CEP85L: variants seen among roughly 807,000 people sequenced by gnomAD.
The protein encoded by CEP85L is centrosomal protein 85L, also known as centrosomal protein of 85 kDa-like.
In CEP85L, 60 loss-of-function variants were observed where a neutral mutation model predicts 100.3. The ratio of observed to expected loss-of-function variants is 0.60; its 90% CI spans 0.49 to 0.74. CEP85L has a LOEUF of 0.74. CEP85L is among the 30% of genes least tolerant of loss of function. The pLI is 0.00. For synonymous variants in CEP85L, 319 were observed against 322.7 expected, an observed-to-expected ratio of 0.99 and a Z score of 0.12; for missense variants, 973 against 936.2, an observed-to-expected ratio of 1.04 and a Z score of -0.51.
At chr6:118,519,921 T>A (rs1003945249) in intron 4 of CEP85L, among the ~76,000 whole-genome samples, 33 of 152,108 alleles carry the variant, frequency 2.2e-4, no homozygotes, top group African/African-American at 7.5e-4. Flanking sequence ...ATGTAAAAAT[T>A]CTTAACAAAT....
chr6:118,470,174 T>C (rs1772838318), intron 11 of CEP85L, among the ~76,000 whole-genome samples: 1 of 152,066 alleles, frequency 6.6e-6, no homozygotes, highest in African/African-American at 2.4e-5. Flanking sequence ...TCCCCAAAAC[T>C]GCTACCTTCT....
At chr6:118,512,939 GAC>G (rs1776052456) in intron 4 of CEP85L, among the ~76,000 whole-genome samples, 1 of 152,120 alleles carries the variant, frequency 6.6e-6, no homozygotes. Flanking sequence ...AGCTAGAACT[GAC>G]AGAGATGTTA....
At chr6:118,480,114 A>G (rs966625388) in intron 9 of CEP85L, among the ~76,000 whole-genome samples, 193 bp from the exon 10 acceptor site, 9 of 152,134 alleles carry the variant, frequency 5.9e-5, no homozygotes, top group Non-Finnish European at 1.0e-4. Flanking sequence ...GTTCTCAATA[A>G]AAGTTTTCTC....
At chr6:118,589,029 C>CA in intron 2 of CEP85L, 1 of 260,664 alleles carries the variant, frequency 3.8e-6, no homozygotes, top group South Asian at 5.9e-5. Flanking sequence ...TTGACCTCGC[C>CA]AGGGCTGCTT....
chr6:118,513,854 C>A (rs554871786), intron 4 of CEP85L, among the ~76,000 whole-genome samples: 1 of 151,710 alleles, frequency 6.6e-6, no homozygotes, highest in East Asian at 1.9e-4. Flanking sequence ...AACACATGGG[C>A]AAATAAATAC....
rs570409654 is a variant in CEP85L, at chr6:118,502,837, T to C, written c.1257+8461A>G. On this transcript the variant is annotated intron_variant, in intron 5 of 12. Coordinates refer to ENST00000368491, the MANE Select transcript of CEP85L (RefSeq NM_001042475.3). ...ATGGAGTTCAAAAAGCAATGGGGAT[T>C]TCCATTCCTTCCCCTGTCATGGAAA... is the stretch of plus-strand genomic sequence containing the variant. The C allele has an allele frequency of 1.5e-4, 93 of 622,454 alleles. No homozygotes were observed. The African/African-American group carries it at 1.6e-3, about 11-fold the overall frequency. The allele number at this position is 622,454 out of a possible 1,614,324, so 38.6% of individuals were successfully genotyped here.
intron 4 of CEP85L, among the ~76,000 whole-genome samples, chr6:118,520,072 C>T (rs542350864): frequency 2.4e-4 from 36 of 152,196 alleles, no homozygotes; most frequent in African/African-American, 8.7e-4. Flanking sequence ...AAGGCAACTA[C>T]GAAAAACAGC....
At chr6:118,512,583 G>A (rs557658715) in intron 4 of CEP85L, among the ~76,000 whole-genome samples, 5 of 152,134 alleles carry the variant, frequency 3.3e-5, no homozygotes, top group African/African-American at 4.8e-5. Flanking sequence ...AGAAGCCAGA[G>A]ATGCTACTAA....
chr6:118,489,507 T>C (rs533365502), intron 6 of CEP85L, among the ~76,000 whole-genome samples: 19 of 152,246 alleles, frequency 1.2e-4, no homozygotes, highest in African/African-American at 4.6e-4. Flanking sequence ...ACATGCTCAA[T>C]TCCTGCATAG....
chr6:118,688,478 A>G (rs1776915189), intron 1 of CEP85L, among the ~76,000 whole-genome samples: 1 of 152,244 alleles, frequency 6.6e-6, no homozygotes. Context: ...AAAAGCAGAA[A>G]TTGGACCTCT....
chr6:118,643,799 T>C (rs1562333954), intron 1 of CEP85L, among the ~76,000 whole-genome samples: 1 of 152,174 alleles, frequency 6.6e-6, no homozygotes, highest in Non-Finnish European at 1.5e-5. Context: ...GGTTCCCTGA[T>C]TGAGAGAATC....
chr6:118,467,103 G>C (rs992173933), intron 12 of CEP85L, among the ~76,000 whole-genome samples: 1 of 152,140 alleles, frequency 6.6e-6, no homozygotes, highest in Non-Finnish European at 1.5e-5. Flanking sequence ...GGGAAGGAAA[G>C]TGTGTTCTGG....
chr6:118,505,407 C>T (rs1460114520), intron 5 of CEP85L, among the ~76,000 whole-genome samples: 2 of 26,864 alleles, frequency 7.4e-5, no homozygotes, highest in Non-Finnish European at 1.8e-4. Flanking sequence ...CGTCACTGTA[C>T]TCAAAAAAAA....
At chr6:118,603,781 A>G (rs534089429) in intron 2 of CEP85L, among the ~76,000 whole-genome samples, 2 of 152,374 alleles carry the variant, frequency 1.3e-5, no homozygotes, top group South Asian at 4.1e-4. Flanking sequence ...CTCCAAAGCT[A>G]TCAGAAAACT....
At chr6:118,575,849 G>A (rs939546472) in intron 2 of CEP85L, among the ~76,000 whole-genome samples, 33 of 152,140 alleles carry the variant, frequency 2.2e-4, no homozygotes, top group African/African-American at 7.5e-4. Context: ...CCTCCCGGGG[G>A]AAGAAATCCA....
At chr6:118,709,556 T>TGTGTGTGTGTGTGTGTGTGAGA (rs751698371) in intron 1 of CEP85L, among the ~76,000 whole-genome samples, 63 of 142,318 alleles carry the variant, frequency 4.4e-4, no homozygotes, top group African/African-American at 1.6e-3. Flanking sequence ...TGTGTGTGTG[T>TGTGTGTGTGTGTGTGTGTGAGA]GAGAGAGAGA....
intron 1 of CEP85L, among the ~76,000 whole-genome samples, chr6:118,641,800 C>G (rs1192872668): frequency 1.3e-5 from 2 of 148,336 alleles, no homozygotes; most frequent in East Asian, 3.9e-4. Context: ...GCCTCCCATG[C>G]ACACACTTCA....
At chr6:118,577,806 C>A (rs763385426) in intron 2 of CEP85L, among the ~76,000 whole-genome samples, 2 of 152,130 alleles carry the variant, frequency 1.3e-5, no homozygotes, top group South Asian at 4.1e-4. Context: ...TCTAGTCTCA[C>A]GGAAAAATGG....
chr6:118,563,732 T>C (rs898992534), intron 3 of CEP85L, among the ~76,000 whole-genome samples: 3 of 152,312 alleles, frequency 2.0e-5, no homozygotes, highest in Admixed American at 2.0e-4. Context: ...ATTACAGGCG[T>C]GCGCTACAGT....
Sources: gnomAD v4.1 joint callset for allele counts (sites outside exome capture counted in the v4.1 genomes callset) on GRCh38, gnomAD v4.1.1 for gene constraint, MANE v1.5 for transcripts, NCBI Gene and HGNC (gene_info 2026-07-23, HGNC 2026-07-21) for gene names.